ANO3: variants seen among roughly 807,000 people sequenced by gnomAD.
ANO3 encodes the protein anoctamin-3.
A neutral mutation model predicts 144.8 loss-of-function variants in ANO3; 99 were observed. The observed-to-expected ratio is 0.68, with a 90% CI of 0.58 to 0.81. ANO3 has a LOEUF of 0.81. Among genes scored for constraint, ANO3 ranks in the 30% least tolerant of loss-of-function variants. The probability of loss-of-function intolerance (pLI) is 0.00; values close to 1 mark genes in which losing one functional copy is unlikely to be tolerated. For synonymous variants in ANO3, 414 were observed against 392.6 expected (o/e 1.05, Z -0.64); for missense variants, 905 against 1,202.2 (o/e 0.75, Z 3.66).
intron 1 of ANO3, among the ~76,000 whole-genome samples, chr11:26,436,901 G>A (rs895040446): frequency 7.9e-5 from 12 of 152,102 alleles, no homozygotes; most frequent in East Asian, 1.9e-4. Context: ...GGAAAAAGCA[G>A]TCTGGTTGCT....
intron 14 of ANO3, among the ~76,000 whole-genome samples, chr11:26,597,161 G>A (rs893784321): frequency 4.6e-5 from 7 of 152,274 alleles, no homozygotes; most frequent in East Asian, 1.9e-4. Context: ...TGTTACCGGC[G>A]GGTCTTTGTT....
chr11:26,401,091 T>C (rs1857135981), intron 1 of ANO3, among the ~76,000 whole-genome samples: 1 of 152,010 alleles, frequency 6.6e-6, no homozygotes, highest in African/African-American at 2.4e-5. Flanking sequence ...ACAGGACATC[T>C]GTATAAAAGG....
chr11:26,656,855 A>G (rs930073131), intron 26 of ANO3, among the ~76,000 whole-genome samples: 22 of 152,166 alleles, frequency 1.4e-4, no homozygotes, highest in African/African-American at 5.3e-4. Context: ...GATTTTCTGA[A>G]CAATCAATTC....
chr11:26,617,127 G>A (rs1477352458), intron 17 of ANO3, among the ~76,000 whole-genome samples: 1 of 152,074 alleles, frequency 6.6e-6, no homozygotes, highest in Non-Finnish European at 1.5e-5. Flanking sequence ...GGCTGAAATT[G>A]TCACTGTTGT....
rs1267964998 is a variant in ANO3 at position 26,272,889 on chromosome 11, C to T, written c.155-36756C>T. 5.3e-5 allele frequency among the ~76,000 whole-genome samples: 8 copies of T among 152,236 alleles called. No individual in the cohort carries two copies. In the South Asian group the frequency reaches 8.3e-4, roughly 16 times the overall value. On this transcript the variant is annotated intron_variant, in intron 1 of 27. Coordinates refer to the ANO3 transcript ENST00000672621. Reference sequence around the variant, plus strand: ...CTAGCCTGGTTTGTGATCAGGACTGCCCTTCTCTGCCCTTATCTGCTACCT... The same window carrying T: ...CTAGCCTGGTTTGTGATCAGGACTGTCCTTCTCTGCCCTTATCTGCTACCT...
chr11:26,630,817 A>C (rs555811811), intron 18 of ANO3, among the ~76,000 whole-genome samples: 14 of 152,176 alleles, frequency 9.2e-5, no homozygotes, highest in Non-Finnish European at 1.8e-4. Context: ...TATTAAGTCA[A>C]TATTACGTTA....
chr11:26,310,493 T>C (rs1437629528), intron 1 of ANO3, among the ~76,000 whole-genome samples: 1 of 152,114 alleles, frequency 6.6e-6, no homozygotes, highest in South Asian at 2.1e-4. Context: ...AGTCCAAGAG[T>C]TCCTTCTGCC....
intron 1 of ANO3, among the ~76,000 whole-genome samples, chr11:26,354,219 G>GA (rs1435652262): frequency 6.6e-6 from 1 of 152,094 alleles, no homozygotes; most frequent in Non-Finnish European, 1.5e-5. Context: ...GTACAGAATT[G>GA]AAAAAATCTG....
intron 24 of ANO3, among the ~76,000 whole-genome samples, chr11:26,651,938 C>T (rs371315929): frequency 6.6e-6 from 1 of 152,128 alleles, no homozygotes; most frequent in African/African-American, 2.4e-5. Context: ...AAGCATTGGT[C>T]ATAATAACTC....
chr11:26,568,472 G>GTT (rs35237782), intron 14 of ANO3, among the ~76,000 whole-genome samples: 5,068 of 150,450 alleles, frequency 0.034, 131 homozygotes, highest in Non-Finnish European at 0.054. Context: ...TCCTACCATA[G>GTT]TTTTTTTTTT....
At chr11:26,638,397 A>G (rs1853035854) in intron 20 of ANO3, among the ~76,000 whole-genome samples, 1 of 152,222 alleles carries the variant, frequency 6.6e-6, no homozygotes, top group African/African-American at 2.4e-5. Flanking sequence ...AAACATAAGA[A>G]AAACCATTAG....
At chr11:26,339,446 C>T (rs1413939591) in intron 1 of ANO3, among the ~76,000 whole-genome samples, 2 of 152,128 alleles carry the variant, frequency 1.3e-5, no homozygotes, top group South Asian at 2.1e-4. Context: ...TGAACCACCG[C>T]GCCTGGCCCA....
At chr11:26,353,881 A>G (rs535383650) in intron 1 of ANO3, among the ~76,000 whole-genome samples, 1 of 152,050 alleles carries the variant, frequency 6.6e-6, no homozygotes, top group African/African-American at 2.4e-5. Flanking sequence ...ATTCCTTTTT[A>G]CTTGTCTGTC....
chr11:26,274,375 T>C (rs933342840), intron 1 of ANO3, among the ~76,000 whole-genome samples: 5 of 152,166 alleles, frequency 3.3e-5, no homozygotes, highest in African/African-American at 9.7e-5. Context: ...TATAAATGCA[T>C]CATAACTTAT....
chr11:26,344,639 A>G (rs1050717753), intron 1 of ANO3, among the ~76,000 whole-genome samples: 51 of 152,118 alleles, frequency 3.4e-4, no homozygotes, highest in African/African-American at 1.2e-3. Context: ...TGCTGGGATT[A>G]CAGACGTGAG....
At chr11:26,544,251 C>CATACATATATATATATAT (rs1849721118) in intron 11 of ANO3, among the ~76,000 whole-genome samples, 1 of 38,454 alleles carries the variant, frequency 2.6e-5, no homozygotes, top group African/African-American at 6.7e-5. Context: ...TTTCATTATA[C>CATACATATATATATATAT]ATATATATAT....
chr11:26,629,119 A>G (rs184239392), intron 18 of ANO3, among the ~76,000 whole-genome samples: 8 of 152,256 alleles, frequency 5.3e-5, no homozygotes, highest in Admixed American at 2.0e-4. Flanking sequence ...ACTGCTACCA[A>G]TGTAACAATC....
At chr11:26,472,665 A>T (rs577453913) in intron 4 of ANO3, among the ~76,000 whole-genome samples, 23 of 151,978 alleles carry the variant, frequency 1.5e-4, no homozygotes, top group African/African-American at 5.3e-4. Flanking sequence ...GGGTTTTTTC[A>T]ATGTTTTATA....
At chr11:26,564,947 C>A (rs1040041893) in intron 14 of ANO3, among the ~76,000 whole-genome samples, 2 of 150,642 alleles carry the variant, frequency 1.3e-5, no homozygotes, top group Non-Finnish European at 3.0e-5. Flanking sequence ...TGTCTCCTTA[C>A]ACTCCCAAAG....
Sources: gnomAD v4.1 joint callset for allele counts (sites outside exome capture counted in the v4.1 genomes callset) on GRCh38, gnomAD v4.1.1 for gene constraint, MANE v1.5 for transcripts, NCBI Gene and HGNC (gene_info 2026-07-23, HGNC 2026-07-21) for gene names.